The following CCDC102B variants were observed in gnomAD, a reference collection of about 807,000 sequenced individuals.
The protein encoded by CCDC102B is coiled-coil domain-containing protein 102B.
Under a neutral mutation model 57.4 loss-of-function variants are expected in CCDC102B, and 75 were observed. The observed-to-expected ratio is 1.31, with a 90% CI of 1.08 to 1.58. The LOEUF is 1.58. CCDC102B is among the 40% of genes most tolerant of loss of function. The pLI is 0.00. For missense variants in CCDC102B, 636 were observed against 582.6 expected (o/e 1.09, Z -0.94); for synonymous variants, 206 against 201.9 (o/e 1.02, Z -0.17).
intron 7 of CCDC102B, among the ~76,000 whole-genome samples, chr18:69,029,888 T>C (rs1171348933): frequency 1.3e-4 from 20 of 152,178 alleles, no homozygotes; most frequent in Admixed American, 1.3e-3. Context: ...AAATTGGGAT[T>C]CTGTTTTAAG....
At chr18:69,013,724 C>T (rs1166681812) in intron 7 of CCDC102B, among the ~76,000 whole-genome samples, 2 of 151,942 alleles carry the variant, frequency 1.3e-5, no homozygotes, top group South Asian at 2.1e-4. Context: ...GTGCATTTTG[C>T]AAATGCTTAA....
chr18:68,823,158 A>C (rs774925288), intron 1 of CCDC102B, among the ~76,000 whole-genome samples: 19 of 152,204 alleles, frequency 1.2e-4, no homozygotes, highest in Non-Finnish European at 1.3e-4. Flanking sequence ...CTTCATTCGC[A>C]TAGGTTGTAA....
At chr18:69,025,665 A>T (rs2051968001) in intron 7 of CCDC102B, among the ~76,000 whole-genome samples, 1 of 152,242 alleles carries the variant, frequency 6.6e-6, no homozygotes, top group South Asian at 2.1e-4. Flanking sequence ...CAAGAACCTG[A>T]ATAGCTCCGG....
intron 6 of CCDC102B, among the ~76,000 whole-genome samples, chr18:68,965,702 T>G (rs1276587609): frequency 1.3e-5 from 2 of 152,094 alleles, no homozygotes; most frequent in African/African-American, 4.8e-5. Flanking sequence ...CATTCCAGTA[T>G]CAGTATCTCT....
At chr18:68,930,111 AC>A (rs1468104242) in intron 6 of CCDC102B, among the ~76,000 whole-genome samples, 1 of 151,424 alleles carries the variant, frequency 6.6e-6, no homozygotes, top group South Asian at 2.1e-4. Context: ...CTACAAGGAA[AC>A]AAAGGCCAAT....
chr18:68,809,265 A>T (rs1188684410), intron 1 of CCDC102B, among the ~76,000 whole-genome samples: 1 of 152,238 alleles, frequency 6.6e-6, no homozygotes, highest in East Asian at 1.9e-4. Context: ...AATTTTAGAA[A>T]GTAAAGTTTA....
At chr18:69,051,262 G>A (rs112047775) in intron 7 of CCDC102B, among the ~76,000 whole-genome samples, 8,041 of 151,902 alleles carry the variant, frequency 0.053, 723 homozygotes, top group African/African-American at 0.18. Context: ...TAACTTTAAA[G>A]TATTACTTTT....
chr18:68,856,319 G>A (rs892677302), intron 4 of CCDC102B, among the ~76,000 whole-genome samples: 1 of 151,962 alleles, frequency 6.6e-6, no homozygotes, highest in Non-Finnish European at 1.5e-5. Context: ...GACACACGGT[G>A]TTGCTCTGTT....
chr18:68,749,565 TG>T (rs1357426579), intron 2 of CCDC102B, among the ~76,000 whole-genome samples: 1 of 152,182 alleles, frequency 6.6e-6, no homozygotes, highest in Non-Finnish European at 1.5e-5. Context: ...ACTCATGATT[TG>T]GCTCTCTGTT....
Position 68,898,507 on chromosome 18 carries a change from A to G in CCDC102B, c.1263+1079A>G, listed in dbSNP as rs1279867602. Among the ~76,000 whole-genome samples, 14 of 152,244 alleles carry G rather than the reference A, an allele frequency of 9.2e-5. No individual in the cohort carries two copies. The Middle Eastern group carries it at 0.01, about 111-fold the overall frequency. On this transcript the variant is annotated intron_variant, in intron 6 of 7. Coordinates refer to ENST00000360242, the MANE Select transcript of CCDC102B (RefSeq NM_024781.3). Reference sequence around the variant, plus strand: ...CCATAATAATGTATTTGATTCTGACATATGTACACTGATAAATCTGTAGAC... The same window carrying G: ...CCATAATAATGTATTTGATTCTGACGTATGTACACTGATAAATCTGTAGAC...
In CCDC102B at chr18:68,987,849, A is replaced by G. The variant is rs576312911; in HGVS notation, c.1264-23085A>G. 3.7e-3 allele frequency among the ~76,000 whole-genome samples: 571 copies of G among 152,320 alleles called. 4 individuals are homozygous for G. The highest frequency in any genetic ancestry group is 6.8e-3 in the Non-Finnish European group (462 of 68,018). On this transcript the variant is annotated intron_variant, in intron 6 of 7. Coordinates refer to ENST00000360242, the MANE Select transcript of CCDC102B (RefSeq NM_024781.3). ...ATGCAAATCAAAACCATGATGAGACACCATCAAACCAGTCAGAATGGCTAT... is the reference window on the plus strand; with the variant it reads ...ATGCAAATCAAAACCATGATGAGACGCCATCAAACCAGTCAGAATGGCTAT...
intron 4 of CCDC102B, among the ~76,000 whole-genome samples, chr18:68,863,476 C>T (rs1396939305): frequency 6.6e-6 from 1 of 151,898 alleles, no homozygotes; most frequent in East Asian, 1.9e-4. Flanking sequence ...TCCTCATTGC[C>T]TAGAACCATA....
At chr18:68,728,569 A>G (rs1488360916) in intron 2 of CCDC102B, among the ~76,000 whole-genome samples, 1 of 152,172 alleles carries the variant, frequency 6.6e-6, no homozygotes, top group African/African-American at 2.4e-5. Context: ...GCTGGCTGTG[A>G]CCTGAAGCAG....
chr18:68,911,211 T>A (rs1568325866), intron 6 of CCDC102B, among the ~76,000 whole-genome samples: 1 of 152,154 alleles, frequency 6.6e-6, no homozygotes, highest in Non-Finnish European at 1.5e-5. Flanking sequence ...GTAAACTGGA[T>A]AAAGAAAATA....
chr18:69,040,399 T>G (rs1348735706), intron 7 of CCDC102B, among the ~76,000 whole-genome samples: 1 of 7,484 alleles, frequency 1.3e-4, no homozygotes, highest in Non-Finnish European at 5.1e-4. Context: ...TGTGTGTGTG[T>G]GTGTGTGTGT....
chr18:68,825,169 A>G (rs982469049), intron 1 of CCDC102B, among the ~76,000 whole-genome samples: 1 of 152,228 alleles, frequency 6.6e-6, no homozygotes, highest in Admixed American at 6.5e-5. Flanking sequence ...AGACATTAAA[A>G]TGATTTATTC....
At chr18:68,861,254 G>A (rs1025278877) in intron 4 of CCDC102B, among the ~76,000 whole-genome samples, 2 of 151,412 alleles carry the variant, frequency 1.3e-5, no homozygotes, top group Non-Finnish European at 2.9e-5. Flanking sequence ...CGACTACCGT[G>A]CTTATTTTAT....
chr18:69,020,452 A>T (rs2051800537), intron 7 of CCDC102B, among the ~76,000 whole-genome samples: 1 of 152,118 alleles, frequency 6.6e-6, no homozygotes, highest in Non-Finnish European at 1.5e-5. Flanking sequence ...TGATATTAAA[A>T]TCTGGCTGAA....
rs573796989 is a variant in CCDC102B at position 68,999,152 on chromosome 18, G to T, written c.1264-11782G>T. The stretch of plus-strand genomic sequence containing the variant: ...AGTTTTCCTGGAGTCATGTGAAGGA[G>T]CAATCATGGAAAGAGAAAAAAACAC... On this transcript the variant is annotated intron_variant, in intron 6 of 7. Transcript: ENST00000360242. 7.6e-4 allele frequency among the ~76,000 whole-genome samples: 116 copies of T among 152,004 alleles called. 1 individual carries two copies. The highest frequency in any genetic ancestry group is 1.8e-3 in the Admixed American group (28 of 15,256).
Sources: allele counts gnomAD v4.1 joint callset (sites outside exome capture counted in the v4.1 genomes callset), GRCh38; gene constraint gnomAD v4.1.1; transcripts MANE v1.5; gene names NCBI Gene and HGNC (gene_info 2026-07-23, HGNC 2026-07-21).